Variants in IQSEC1 observed in about 807,000 individuals in gnomAD.
IQSEC1 encodes the protein IQ motif and Sec7 domain ArfGEF 1.
A neutral mutation model predicts 91.0 loss-of-function variants in IQSEC1; 31 were observed. The observed-to-expected ratio is 0.34, with a 90% CI of 0.26 to 0.46. The LOEUF (loss-of-function observed/expected upper bound fraction) is 0.46, where lower values mean the gene tolerates loss of function less well. IQSEC1 is among the 20% of genes least tolerant of loss of function. The pLI is 1.00. For synonymous variants in IQSEC1, 699 were observed against 662.6 expected (o/e 1.05, Z -0.84); for missense variants, 1,388 against 1,575.6 (o/e 0.88, Z 2.02).
At chr3:13,147,129 C>A (rs1394395110) in intron 2 of IQSEC1, among the ~76,000 whole-genome samples, 1 of 152,192 alleles carries the variant, frequency 6.6e-6, no homozygotes, top group African/African-American at 2.4e-5. Context: ...GAGGCCTGCC[C>A]ATGCCAAGCC....
intron 12 of IQSEC1, among the ~76,000 whole-genome samples, chr3:12,903,676 T>C (rs907562260): frequency 1.3e-5 from 2 of 151,912 alleles, no homozygotes; most frequent in Non-Finnish European, 2.9e-5. Flanking sequence ...GCCTCCACAG[T>C]CCCTCCTGAG....
At chr3:13,235,472 C>A (rs146736721) in intron 1 of IQSEC1, among the ~76,000 whole-genome samples, 38 of 152,256 alleles carry the variant, frequency 2.5e-4, no homozygotes, top group African/African-American at 9.1e-4. Context: ...GGGCTGTGCA[C>A]CCCAACAACA....
chr3:13,050,760 G>A (rs1172784286), intron 1 of IQSEC1, among the ~76,000 whole-genome samples: 3 of 152,216 alleles, frequency 2.0e-5, no homozygotes, highest in Non-Finnish European at 4.4e-5. Context: ...GCCAAGAACA[G>A]AGTCGGCATT....
At chr3:13,181,763 G>C (rs1348842257) in intron 1 of IQSEC1, among the ~76,000 whole-genome samples, 1 of 152,246 alleles carries the variant, frequency 6.6e-6, no homozygotes. Flanking sequence ...TATATCTGAT[G>C]AATGAATTTG....
chr3:13,264,355 C>T (rs1242222028), intron 1 of IQSEC1, among the ~76,000 whole-genome samples: 2 of 152,216 alleles, frequency 1.3e-5, no homozygotes, highest in African/African-American at 4.8e-5. Flanking sequence ...AGGCCGAGGG[C>T]TCTAAGGACA....
intron 1 of IQSEC1, among the ~76,000 whole-genome samples, chr3:12,955,857 G>A (rs554800604): frequency 6.1e-4 from 93 of 152,274 alleles, no homozygotes; most frequent in African/African-American, 2.1e-3. Context: ...CGGACTGCAC[G>A]GAGCTCTCTG....
At chr3:13,019,620 GT>G (rs1207670120) in intron 1 of IQSEC1, among the ~76,000 whole-genome samples, 3 of 152,204 alleles carry the variant, frequency 2.0e-5, no homozygotes, top group African/African-American at 7.2e-5. Context: ...ACAGAATGGG[GT>G]AGGGGTCGGG....
chr3:13,133,779 G>A (rs775888936), intron 2 of IQSEC1, among the ~76,000 whole-genome samples: 9 of 152,224 alleles, frequency 5.9e-5, no homozygotes, highest in Non-Finnish European at 1.0e-4. Flanking sequence ...CCAGCCCAAC[G>A]GGCAGCACTG....
intron 1 of IQSEC1, among the ~76,000 whole-genome samples, chr3:13,052,302 G>A (rs1372795165): frequency 6.6e-6 from 1 of 152,208 alleles, no homozygotes; most frequent in Non-Finnish European, 1.5e-5. Context: ...ATCATCCAGT[G>A]TGCCACTTTT....
chr3:12,948,529 C>T (rs1246119409), intron 1 of IQSEC1, among the ~76,000 whole-genome samples: 3 of 152,218 alleles, frequency 2.0e-5, no homozygotes, highest in African/African-American at 7.2e-5. Flanking sequence ...TGCCACGTCC[C>T]GACTCGCCAG....
chr3:12,912,504 T>C (rs1373977243), intron 9 of IQSEC1, among the ~76,000 whole-genome samples: 1 of 151,880 alleles, frequency 6.6e-6, no homozygotes, highest in Non-Finnish European at 1.5e-5. Context: ...TCAGAGAGGG[T>C]TAGCCAGTCC....
intron 12 of IQSEC1, among the ~76,000 whole-genome samples, chr3:12,904,659 T>G (rs1694770754): frequency 6.6e-6 from 1 of 152,154 alleles, no homozygotes; most frequent in Non-Finnish European, 1.5e-5. Context: ...TGTGGAAATG[T>G]GGAGGGACAG....
At chr3:13,022,583 T>A in intron 1 of IQSEC1, 4 of 407,856 alleles carry the variant, frequency 9.8e-6, no homozygotes, top group Non-Finnish European at 1.3e-5. Context: ...AGAGGCGAGC[T>A]CAGAGAGAGG....
At chr3:13,105,013 A>G (rs1256382335) in intron 2 of IQSEC1, among the ~76,000 whole-genome samples, 5 of 152,238 alleles carry the variant, frequency 3.3e-5, no homozygotes, top group Admixed American at 3.3e-4. Flanking sequence ...ACATGATCAC[A>G]TTTAAAAAGT....
intron 1 of IQSEC1, among the ~76,000 whole-genome samples, chr3:13,011,363 C>T (rs1462931336): frequency 6.6e-6 from 1 of 152,234 alleles, no homozygotes; most frequent in Non-Finnish European, 1.5e-5. Flanking sequence ...ATAATCATCA[C>T]TGACACTCAC....
At chr3:13,136,478 G>A (rs963344862) in intron 2 of IQSEC1, among the ~76,000 whole-genome samples, 1 of 152,174 alleles carries the variant, frequency 6.6e-6, no homozygotes, top group African/African-American at 2.4e-5. Context: ...CCAGACACGA[G>A]GAAGAATGTA....
intron 1 of IQSEC1, among the ~76,000 whole-genome samples, chr3:13,236,786 G>A (rs1694936889): frequency 6.6e-6 from 1 of 152,250 alleles, no homozygotes; most frequent in South Asian, 2.1e-4. Flanking sequence ...GCTGCCATCA[G>A]CCTCCAGCTG....
rs975686713 is a variant in IQSEC1 at position 13,033,009 on chromosome 3, C to G, written c.23+39983G>C. Among the ~76,000 whole-genome samples the G allele has an allele frequency of 2.0e-5, 3 of 152,334 alleles. No homozygotes were observed. The East Asian group carries it at 5.8e-4, about 29-fold the overall frequency. ...ACTGCAGTGCCTTTGGAAATGACCT[C>G]TCGCTTTACAATACTCACGTGGTGT... On this transcript the variant is annotated intron_variant, in intron 1 of 13. Transcript: ENST00000613206.
rs1347751698 is a variant in IQSEC1 at position 13,154,450 on chromosome 3, T to C, written c.302+9654A>G. On this transcript the variant is annotated intron_variant, in intron 2 of 15. Transcript: ENST00000648114. ...TGGAACTTACATGCATATATATATA[T>C]ATATATATATATATATATATATATA... Among the ~76,000 whole-genome samples, 497 of 99,826 alleles carry C rather than the reference T, an allele frequency of 5.0e-3. 82 individuals are homozygous for C. Among genetic ancestry groups the C allele is most frequent in the Admixed American group, 6.2e-3 (56 of 9,008 alleles). The allele number at this position is 99,826 out of a possible 152,430, so 65.5% of individuals were successfully genotyped here.
Sources: gnomAD v4.1 joint callset for allele counts (sites outside exome capture counted in the v4.1 genomes callset) on GRCh38, gnomAD v4.1.1 for gene constraint, MANE v1.5 for transcripts, NCBI Gene and HGNC (gene_info 2026-07-23, HGNC 2026-07-21) for gene names.